Variants in PPFIBP1 observed in about 807,000 individuals in gnomAD.
PPFIBP1 encodes PPFIB scaffold protein 1.
A neutral mutation model predicts 137.8 loss-of-function variants in PPFIBP1; 112 were observed. The ratio of observed to expected loss-of-function variants is 0.81; its 90% confidence interval spans 0.70 to 0.95. PPFIBP1 has a LOEUF of 0.95. Ranked by LOEUF, PPFIBP1 falls within the 40% of genes least tolerant of loss-of-function variation. PPFIBP1 has a pLI of 0.00. For missense variants in PPFIBP1, 1,083 were observed against 1,196.6 expected (o/e 0.91, Z 1.40); for synonymous variants, 378 against 417.3 (o/e 0.91, Z 1.15).
chr12:27,575,217 G>T (rs143866820), intron 1 of PPFIBP1, among the ~76,000 whole-genome samples: 7 of 152,288 alleles, frequency 4.6e-5, no homozygotes, highest in Non-Finnish European at 4.4e-5. Flanking sequence ...CAGACAAAAT[G>T]TAAATGTATG....
intron 19 of PPFIBP1, among the ~76,000 whole-genome samples, chr12:27,678,941 C>T (rs12302857): frequency 0.14 from 21,135 of 150,022 alleles, 1,860 homozygotes; most frequent in African/African-American, 0.24. Context: ...TCCCAGATGT[C>T]CCGACACACT....
At chr12:27,590,959 C>T (rs1009391093) in intron 2 of PPFIBP1, among the ~76,000 whole-genome samples, 1 of 152,180 alleles carries the variant, frequency 6.6e-6, no homozygotes, top group East Asian at 1.9e-4. Context: ...AACCAACCTC[C>T]CCTTGCTGAA....
Position 27,688,410 on chromosome 12 carries a change from A to G in PPFIBP1, c.2483A>G (p.His828Arg). The change falls in exon 26 of 30, where the codon CAT becomes CGT. Residue 828 changes from histidine to arginine, a missense_variant. By Grantham distance (29) the His-to-Arg change is conservative. Transcript: ENST00000228425. The stretch of plus-strand genomic sequence containing the variant: ...CCCAATCTCAGAGGCAGTGGTGTCC[A>G]TGGTGGGCTCATGGTAAAGCTCTGA... ...YAPNLRGSGV[H>R]GGLMVLEPRF... 1 of 1,614,090 alleles carries G rather than the reference A, an allele frequency of 6.2e-7. No homozygotes were observed. The highest frequency in any genetic ancestry group is 8.5e-7 in the Non-Finnish European group (1 of 1,179,980).
At chr12:27,658,661 C>T (rs1023594726) in intron 9 of PPFIBP1, among the ~76,000 whole-genome samples, 155 bp from the exon 10 acceptor site, 1 of 152,144 alleles carries the variant, frequency 6.6e-6, no homozygotes, top group African/African-American at 2.4e-5. Context: ...TATTGTACTA[C>T]CAATCCTGCA....
intron 1 of PPFIBP1, among the ~76,000 whole-genome samples, chr12:27,554,787 A>G (rs948358892): frequency 6.6e-6 from 1 of 151,984 alleles, no homozygotes; most frequent in Non-Finnish European, 1.5e-5. Flanking sequence ...GCTTGACTCC[A>G]TACACTTTAA....
intron 20 of PPFIBP1, 110 bp from the exon 21 acceptor site, chr12:27,679,823 A>G: frequency 7.0e-7 from 1 of 1,437,226 alleles, no homozygotes; most frequent in Non-Finnish European, 9.5e-7. Context: ...GTCTATGTTA[A>G]CAACACAAAG....
chr12:27,533,328 G>A (rs925357027), intron 1 of PPFIBP1, among the ~76,000 whole-genome samples: 3 of 152,044 alleles, frequency 2.0e-5, no homozygotes, highest in Non-Finnish European at 2.9e-5. Flanking sequence ...AATAATAATA[G>A]GTAACACTTA....
At chr12:27,619,108 AG>A (rs1414507660) in intron 2 of PPFIBP1, among the ~76,000 whole-genome samples, 2 of 152,118 alleles carry the variant, frequency 1.3e-5, no homozygotes, top group Non-Finnish European at 2.9e-5. Flanking sequence ...CATGACATTC[AG>A]TTTTTATATA....
At chr12:27,650,331 G>A (rs4931223) in intron 7 of PPFIBP1, among the ~76,000 whole-genome samples, 190 bp downstream of exon 7, 152,076 of 152,364 alleles carry the variant, frequency 1, 75,896 homozygotes, top group Middle Eastern at 1. Flanking sequence ...TTTATCACTA[G>A]ATGCTAATGG....
At chr12:27,528,430 A>G (rs894541121) in intron 1 of PPFIBP1, among the ~76,000 whole-genome samples, 3 of 152,166 alleles carry the variant, frequency 2.0e-5, no homozygotes, top group South Asian at 2.1e-4. Flanking sequence ...AATTTATTGC[A>G]GTGCACGTCA....
At chr12:27,648,633 T>C (rs2139569252) in intron 6 of PPFIBP1, among the ~76,000 whole-genome samples, 1 of 152,008 alleles carries the variant, frequency 6.6e-6, no homozygotes, top group South Asian at 2.1e-4. Context: ...ATAAAGAAAA[T>C]GTGGTACTTA....
intron 2 of PPFIBP1, among the ~76,000 whole-genome samples, chr12:27,601,363 G>A (rs199852647): frequency 6.6e-6 from 1 of 152,150 alleles, no homozygotes; most frequent in East Asian, 1.9e-4. Context: ...GGATGGGTAT[G>A]ATTTCCTATG....
At chr12:27,685,732 T>G (rs1042632351) in intron 24 of PPFIBP1, among the ~76,000 whole-genome samples, 9 of 152,202 alleles carry the variant, frequency 5.9e-5, no homozygotes, top group Non-Finnish European at 4.4e-5. Context: ...GTCTGCAATT[T>G]AGTCAATTGT....
chr12:27,695,060 C>T lies in PPFIBP1; in HGVS notation c.*2178C>T, dbSNP rs1361187871. The T allele has an allele frequency of 6.6e-6, 1 of 151,602 alleles. No homozygotes were observed. The highest frequency in any genetic ancestry group is 2.4e-5 in the African/African-American group (1 of 41,254). 9.4% of individuals were successfully genotyped at this position (151,602 alleles called of 1,614,324 possible). A position where few individuals can be genotyped will look rare whatever the true frequency, so the allele number is the denominator to read the frequency against. ...TTAATGTGACTAGATGTCACCACTT[C>T]AAAAAATCAATTTGTTCTTAGAACC... On this transcript the variant is annotated 3_prime_UTR_variant, in exon 30 of 30. Coordinates refer to ENST00000228425, the MANE Select transcript of PPFIBP1 (RefSeq NM_003622.4).
chr12:27,684,388 C>T (rs566789492), intron 24 of PPFIBP1, among the ~76,000 whole-genome samples: 6 of 152,308 alleles, frequency 3.9e-5, no homozygotes, highest in South Asian at 4.1e-4. Flanking sequence ...GGATTACAGG[C>T]GTGAGCCACT....
At chr12:27,576,006 G>T (rs1319487543) in intron 1 of PPFIBP1, among the ~76,000 whole-genome samples, 1 of 152,122 alleles carries the variant, frequency 6.6e-6, no homozygotes, top group Non-Finnish European at 1.5e-5. Flanking sequence ...TGTGTATTCA[G>T]TCCTGGTTAG....
chr12:27,566,646 G>A (rs777472645), intron 1 of PPFIBP1, among the ~76,000 whole-genome samples: 2 of 152,178 alleles, frequency 1.3e-5, no homozygotes, highest in Non-Finnish European at 2.9e-5. Context: ...GGCAGTGGGT[G>A]AGGGCTTATT....
At chr12:27,656,322 G>T (rs1443301459) in intron 8 of PPFIBP1, among the ~76,000 whole-genome samples, 1 of 152,102 alleles carries the variant, frequency 6.6e-6, no homozygotes, top group East Asian at 1.9e-4. Context: ...TTAATGTAAA[G>T]ATTTAAACCT....
At chr12:27,586,324 GTA>G (rs2051745710) in intron 2 of PPFIBP1, among the ~76,000 whole-genome samples, 1 of 152,210 alleles carries the variant, frequency 6.6e-6, no homozygotes, top group African/African-American at 2.4e-5. Flanking sequence ...CAAGTGGTCA[GTA>G]TATATGAATA....
Sources: gnomAD v4.1 joint callset for allele counts (sites outside exome capture counted in the v4.1 genomes callset) on GRCh38, gnomAD v4.1.1 for gene constraint, MANE v1.5 for transcripts, NCBI Gene and HGNC (gene_info 2026-07-23, HGNC 2026-07-21) for gene names.